HMCN2: variants seen among roughly 807,000 people sequenced by gnomAD.
The protein encoded by HMCN2 is hemicentin 2, also known as hemicentin-2.
In HMCN2, 325 loss-of-function variants were observed where a neutral mutation model predicts 377.5. The observed-to-expected ratio is 0.86, with a 90% CI of 0.79 to 0.94. The LOEUF is 0.94. HMCN2 is among the 40% of genes least tolerant of loss of function. HMCN2 has a pLI of 0.00. For synonymous variants in HMCN2, 2,007 were observed against 2,046.8 expected, an observed-to-expected ratio of 0.98 and a Z score of 0.53; for missense variants, 4,543 against 4,725.3, an observed-to-expected ratio of 0.96 and a Z score of 1.13.
chr9:130,393,282 G>A lies in HMCN2; in HGVS notation c.10207G>A (p.Asp3403Asn). 1.0e-6 allele frequency: 1 copy of A among 988,488 alleles called. No homozygotes were observed. Among genetic ancestry groups the A allele is most frequent in the Non-Finnish European group, 1.2e-6 (1 of 830,412 alleles). 61.2% of individuals were successfully genotyped at this position (988,488 alleles called of 1,614,324 possible). Reference sequence around the variant, plus strand: ...GGCCGCAAGCCCAGCTGGCGTGGCGGACAGGAACTTCACCTTGCAGGTGCA... The same window carrying A: ...GGCCGCAAGCCCAGCTGGCGTGGCGAACAGGAACTTCACCTTGCAGGTGCA... ...CVAASPAGVADRNFTLQVQVP... is the reference protein window; with the variant it reads ...CVAASPAGVANRNFTLQVQVP... Residue 3403 changes from aspartate (D) to asparagine (N), a missense_variant, in exon 67 of 98, where the codon GAC (aspartate) becomes AAC (asparagine). Coordinates refer to ENST00000683500, the MANE Select transcript of HMCN2 (RefSeq NM_001291815.2). This position sits in a 1 kb window ranked among gnomAD's most constrained non-coding sequence, Gnocchi z 5.2.
intron 75 of HMCN2, among the ~76,000 whole-genome samples, 171 bp downstream of exon 75, chr9:130,398,878 A>C (rs4573325): frequency 0.26 from 38,781 of 151,998 alleles, 5,378 homozygotes; most frequent in East Asian, 0.39. Context: ...ACACTGAGAT[A>C]GGGGTGAGGG....
rs1837362739 is a variant in HMCN2 at position 130,313,327 on chromosome 9, TACTCC to T, written c.2350+3267_2350+3271del. Among the ~76,000 whole-genome samples, 3 of 147,416 alleles carry T rather than the reference TACTCC, an allele frequency of 2.0e-5. 1 individual carries two copies. The highest frequency in any genetic ancestry group is 4.6e-5 in the Non-Finnish European group (3 of 65,226). The stretch of plus-strand genomic sequence containing the variant: ...CTGGGGCATAGGAAGGGAGGCATCC[TACTCC>T]TCTGTGCCAGGAGGGCCTGCACTTG... On this transcript the variant is annotated intron_variant, in intron 15 of 97. Coordinates refer to ENST00000683500, the MANE Select transcript of HMCN2 (RefSeq NM_001291815.2).
chr9:130,294,858 C>G lies in HMCN2; in HGVS notation c.616C>G (p.Leu206Val). Reference protein sequence around the residue: ...HLDKQQVTEVLKWVESAIQAS... With the variant: ...HLDKQQVTEVVKWVESAIQAS... ...AGCTCCTCATACTTGCCTCCAGGTG[C>G]TGAAGTGGGTGGAGTCAGCGATCCA... The change falls in exon 5 of 98, where the codon CTG (leucine) becomes GTG (valine). Residue 206 changes from leucine to valine, a missense_variant. By Grantham distance (32) the Leu-to-Val change is conservative. Around this residue, in one of 5 missense-constraint regions of HMCN2, gnomAD observed 547 missense variants for 189.9 expected, o/e 2.88. Coordinates refer to ENST00000683500, the MANE Select transcript of HMCN2 (RefSeq NM_001291815.2). 2.2e-6 allele frequency: 1 copy of G among 448,766 alleles called. No individual in the cohort carries two copies. The highest frequency in any genetic ancestry group is 1.6e-5 in the South Asian group (1 of 61,388). The allele number at this position is 448,766 out of a possible 1,614,324, so 27.8% of individuals were successfully genotyped here. A position where few individuals can be genotyped will look rare whatever the true frequency, so the allele number is the denominator to read the frequency against.
chr9:130,355,687 A>C (rs1221262366), intron 32 of HMCN2, 59 bp from the exon 33 acceptor site: 1 of 997,776 alleles, frequency 1.0e-6, no homozygotes, highest in Non-Finnish European at 1.4e-6. Flanking sequence ...GGGACTTGGG[A>C]GGGTTTGAGG....
At chr9:130,392,277 G>T (rs1842358696) in intron 66 of HMCN2, among the ~76,000 whole-genome samples, 159 bp downstream of exon 66, 1 of 152,216 alleles carries the variant, frequency 6.6e-6, no homozygotes, top group Non-Finnish European at 1.5e-5. Flanking sequence ...TGCTAGGATG[G>T]GTCTCAGGGA....
chr9:130,428,392 C>A lies in HMCN2; in HGVS notation c.14100C>A (p.Cys4700Ter). 1 of 1,548,078 alleles carries A rather than the reference C, an allele frequency of 6.5e-7. No individual in the cohort carries two copies. The change falls in exon 93 of 98, where the codon TGC becomes TGA. Residue 4700 changes from cysteine (C) to a stop codon, truncating the protein, a stop_gained. Transcript: ENST00000683500. LOFTEE classifies it high-confidence loss of function. The surrounding 1 kb of genome is among the most constrained non-coding windows in gnomAD (Gnocchi z 5.0). Reference protein sequence around the residue: ...VDECAWDAHLCREGQRCVNLL... With the variant: ...VDECAWDAHL ...AGTGTGCGTGGGATGCTCACCTCTG[C>A]CGAGAGGGACAGCGCTGTGTGAACC... is the stretch of plus-strand genomic sequence containing the variant.
rs1291672536 is a variant in HMCN2, at chr9:130,394,989, G to C, written c.10693-38G>C. The C allele has an allele frequency of 4.9e-5, 60 of 1,223,390 alleles. No homozygotes were observed. Among genetic ancestry groups the C allele is most frequent in the Non-Finnish European group, 6.2e-5 (58 of 939,208 alleles). 75.8% of individuals were successfully genotyped at this position (1,223,390 alleles called of 1,614,324 possible). On this transcript the variant is annotated intron_variant, in intron 69 of 97. Transcript: ENST00000683500. This position sits in a 1 kb window ranked among gnomAD's most constrained non-coding sequence, Gnocchi z 5.1. ...AACCAGATTGGGAGGCGGGCAGAGA[G>C]GGGCCAGGGGCAGCTGCTCAACCCG...
intron 15 of HMCN2, among the ~76,000 whole-genome samples, chr9:130,318,097 G>A (rs1178108754): frequency 1.3e-5 from 2 of 152,200 alleles, no homozygotes; most frequent in African/African-American, 4.8e-5. Context: ...CTGGGATGCT[G>A]GGATTCTGAG....
At chr9:130,267,435 A>AACACACAC (rs36122739) in intron 1 of HMCN2, among the ~76,000 whole-genome samples, 69 of 145,918 alleles carry the variant, frequency 4.7e-4, no homozygotes, top group South Asian at 1.1e-3. Flanking sequence ...CCCCAAATAA[A>AACACACAC]ACACACACAC....
chr9:130,350,713 C>T (rs995141199), intron 29 of HMCN2, among the ~76,000 whole-genome samples: 5 of 126,734 alleles, frequency 3.9e-5, no homozygotes, highest in Admixed American at 8.9e-5. Flanking sequence ...GGTGAAACCT[C>T]GTCTCTACTA....
intron 47 of HMCN2, 51 bp downstream of exon 47, chr9:130,372,458 C>T (rs1454103584): frequency 2.8e-6 from 2 of 714,686 alleles, no homozygotes; most frequent in Non-Finnish European, 3.4e-6. Flanking sequence ...TTCCCCACTG[C>T]CTGGGAGCTC....
rs1213932110 is a variant in HMCN2 at position 130,277,841 on chromosome 9, TCATCAC to T, written c.260-6759_260-6754del. ...ATCATCATCACCACCACCATCATCATCATCACCACCACCACCACCATCATCATCATC... is the reference window on the plus strand; with the variant it reads ...ATCATCATCACCACCACCATCATCATCACCACCACCACCATCATCATCATC... On this transcript the variant is annotated intron_variant, in intron 1 of 97. Coordinates refer to ENST00000683500, the MANE Select transcript of HMCN2 (RefSeq NM_001291815.2). Among the ~76,000 whole-genome samples the T allele has an allele frequency of 5.8e-4, 16 of 27,588 alleles. 2 individuals carry two copies. The highest frequency in any genetic ancestry group is 2.5e-3 in the East Asian group (2 of 808). 18.1% of individuals were successfully genotyped at this position (27,588 alleles called of 152,430 possible).
chr9:130,388,554 T>A lies in HMCN2; in HGVS notation c.9523+14T>A. 2.0e-6 allele frequency: 2 copies of A among 988,114 alleles called. No individual in the cohort carries two copies. The highest frequency in any genetic ancestry group is 2.4e-6 in the Non-Finnish European group (2 of 830,130). 61.2% of individuals were successfully genotyped at this position (988,114 alleles called of 1,614,324 possible). On this transcript the variant is annotated intron_variant, in intron 62 of 97. Transcript: ENST00000683500. The stretch of plus-strand genomic sequence containing the variant: ...GGATGCCTGTGGGTGAGCACATCTG[T>A]CCTTGTCTGTTTCGCGTAAAGCATT...
intron 1 of HMCN2, among the ~76,000 whole-genome samples, chr9:130,281,904 A>G (rs1189099984): frequency 6.6e-6 from 1 of 151,952 alleles, no homozygotes; most frequent in African/African-American, 2.4e-5. Flanking sequence ...AAAAAAAAAA[A>G]AAAAAGACTT....
At chr9:130,344,671 ATGT>A (rs1314075933) in intron 25 of HMCN2, among the ~76,000 whole-genome samples, 14 of 139,862 alleles carry the variant, frequency 1.0e-4, no homozygotes, top group Admixed American at 6.4e-4. Flanking sequence ...TGGTGTGTGT[ATGT>A]TGTTTGATGT....
Position 130,358,473 on chromosome 9 carries a change from G to T in HMCN2, c.5664G>T (p.Ala1888=), listed in dbSNP as rs1359908562. The change falls in exon 36 of 98, where the codon GCG becomes GCT. Residue 1888 remains alanine (A), a synonymous_variant. Coordinates refer to ENST00000683500, the MANE Select transcript of HMCN2 (RefSeq NM_001291815.2). ...CTGGGGAGAGCAAGAGGGAAGTGGC[G>T]CTGAAAGTTTTGGGTGAGGACGTGG... is the stretch of plus-strand genomic sequence containing the variant. ...NLAGESKREV[A]LKVLVPPNIE... 7.7e-7 allele frequency: 1 copy of T among 1,304,236 alleles called. No homozygotes were observed. The highest frequency in any genetic ancestry group is 5.5e-5 in the East Asian group (1 of 18,046). The allele number at this position is 1,304,236 out of a possible 1,614,324, so 80.8% of individuals were successfully genotyped here. A position where few individuals can be genotyped will look rare whatever the true frequency, so the allele number is the denominator to read the frequency against.
At chr9:130,350,119 A>G (rs1022155148) in intron 29 of HMCN2, among the ~76,000 whole-genome samples, 9 of 151,420 alleles carry the variant, frequency 5.9e-5, no homozygotes, top group Non-Finnish European at 1.0e-4. Context: ...TTTGTTGCCC[A>G]GGCTGGTCTT....
intron 45 of HMCN2, among the ~76,000 whole-genome samples, chr9:130,370,388 A>G (rs1267873591): frequency 6.7e-6 from 1 of 149,980 alleles, no homozygotes; most frequent in East Asian, 2.0e-4. Context: ...GTATGCCTGA[A>G]GGATAATTCA....
At chr9:130,293,932 T>G (rs1251243625) in intron 4 of HMCN2, among the ~76,000 whole-genome samples, 1 of 151,298 alleles carries the variant, frequency 6.6e-6, no homozygotes, top group African/African-American at 2.4e-5. Flanking sequence ...AGATGGTCGA[T>G]GAGGAGGCAG....
Sources: gnomAD v4.1 joint callset for allele counts (sites outside exome capture counted in the v4.1 genomes callset) on GRCh38, gnomAD v4.1.1 for gene constraint, gnomAD v4.1.1 regional missense constraint, Gnocchi (gnomAD v3.1) non-coding constraint, MANE v1.5 for transcripts, NCBI Gene and HGNC (gene_info 2026-07-23, HGNC 2026-07-21) for gene names.